Variants in COL13A1 observed in about 807,000 individuals in gnomAD.
COL13A1 encodes the protein collagen alpha-1(XIII) chain.
Under a neutral mutation model 130.9 loss-of-function variants are expected in COL13A1, and 89 were observed. The observed-to-expected ratio is 0.68, with a 90% confidence interval of 0.57 to 0.81. The LOEUF (loss-of-function observed/expected upper bound fraction) is 0.81. Ranked by LOEUF, COL13A1 falls within the 30% of genes least tolerant of loss-of-function variation. The probability of loss-of-function intolerance (pLI) is 0.00; values close to 1 mark genes in which losing one functional copy is unlikely to be tolerated. For synonymous variants in COL13A1, 402 were observed against 341.6 expected, an observed-to-expected ratio of 1.18 and a Z score of -1.95; for missense variants, 879 against 934.6, an observed-to-expected ratio of 0.94 and a Z score of 0.78.
At position 69,928,890 on chromosome 10, in the gene COL13A1, C is replaced by A. The variant is rs150870026; in HGVS notation, c.1423-47C>A. ...TATAGCCCTCAGGGCACAGGCTACC[C>A]TCCTCCATGGGACAGTTCTTCCATG... On this transcript the variant is annotated intron_variant, in intron 27 of 40. Coordinates refer to ENST00000645393, the MANE Select transcript of COL13A1 (RefSeq NM_001368882.1). The A allele has an allele frequency of 8.3e-4, 1,221 of 1,476,726 alleles. 7 individuals carry two copies. The African/African-American group carries it at 0.013, about 15-fold the overall frequency. 91.5% of individuals were successfully genotyped at this position (1,476,726 alleles called of 1,614,324 possible).
chr10:69,929,737 G>A (rs2065860331), intron 28 of COL13A1, among the ~76,000 whole-genome samples: 1 of 152,162 alleles, frequency 6.6e-6, no homozygotes, highest in South Asian at 2.1e-4. Flanking sequence ...AGGGCGCCTA[G>A]GGCTCCCAGA....
chr10:69,882,635 G>A (rs544538281), intron 7 of COL13A1, among the ~76,000 whole-genome samples: 1 of 152,362 alleles, frequency 6.6e-6, no homozygotes, highest in East Asian at 1.9e-4. Flanking sequence ...GGTTTGGCCA[G>A]GTTATCCTCA....
chr10:69,879,610 A>C (rs1405721692), intron 6 of COL13A1, among the ~76,000 whole-genome samples: 1 of 152,220 alleles, frequency 6.6e-6, no homozygotes, highest in African/African-American at 2.4e-5. Flanking sequence ...GACATTTTCC[A>C]AAATGCGTTT....
chr10:69,922,162 T>G (rs2064774744), intron 22 of COL13A1, among the ~76,000 whole-genome samples: 2 of 152,040 alleles, frequency 1.3e-5, no homozygotes, highest in Admixed American at 1.3e-4. Context: ...AGTGATGACC[T>G]GGTCAGATTT....
intron 2 of COL13A1, among the ~76,000 whole-genome samples, chr10:69,849,930 G>A (rs1854265065): frequency 6.6e-6 from 1 of 152,210 alleles, no homozygotes; most frequent in African/African-American, 2.4e-5. Context: ...AGTAGGACGA[G>A]TTGGTCATCC....
At chr10:69,875,277 C>T in intron 5 of COL13A1, 114 bp downstream of exon 5, 1 of 1,282,574 alleles carries the variant, frequency 7.8e-7, no homozygotes, top group African/African-American at 1.5e-5. Context: ...AGGGGGTCAG[C>T]ACTTTCCCTT....
chr10:69,842,949 C>T (rs1014567142), intron 2 of COL13A1, among the ~76,000 whole-genome samples: 2 of 152,220 alleles, frequency 1.3e-5, no homozygotes, highest in East Asian at 1.9e-4. Context: ...AAGTTGGTGT[C>T]AGGACGCAGT....
intron 2 of COL13A1, among the ~76,000 whole-genome samples, chr10:69,823,625 T>C (rs1048346333): frequency 6.6e-6 from 1 of 152,212 alleles, no homozygotes; most frequent in Admixed American, 6.5e-5. Flanking sequence ...GTTAAGCATA[T>C]GGGAAACGAA....
At chr10:69,880,579 G>A (rs767027449) in intron 7 of COL13A1, 26 bp downstream of exon 7, 2 of 1,611,424 alleles carry the variant, frequency 1.2e-6, no homozygotes, top group African/African-American at 1.3e-5. Flanking sequence ...TCTTCCTCGG[G>A]GTGTTGGGGG....
chr10:69,880,142 C>G (rs1054930632), intron 6 of COL13A1, among the ~76,000 whole-genome samples: 1 of 152,088 alleles, frequency 6.6e-6, no homozygotes, highest in Non-Finnish European at 1.5e-5. Flanking sequence ...CCCGCCACTC[C>G]AATGGATCCT....
intron 1 of COL13A1, among the ~76,000 whole-genome samples, chr10:69,802,924 C>A (rs959359134): frequency 1.3e-5 from 2 of 152,212 alleles, no homozygotes; most frequent in African/African-American, 2.4e-5. Context: ...GACCCAGCGA[C>A]TCCCGCCTCG....
chr10:69,832,889 G>C (rs1334319778), intron 2 of COL13A1, among the ~76,000 whole-genome samples: 1 of 152,230 alleles, frequency 6.6e-6, no homozygotes, highest in Non-Finnish European at 1.5e-5. Context: ...CATCCTGAGA[G>C]GGAATGGGCT....
chr10:69,958,746 A>C lies in COL13A1; in HGVS notation c.*45A>C. The C allele has an allele frequency of 6.2e-7, 1 of 1,611,724 alleles. No homozygotes were observed. Reference sequence around the variant, plus strand: ...GCCTGTGTGTGTGTTTGTACATAGAATATTTATTTTTATACAGTTTTCACT... The same window carrying C: ...GCCTGTGTGTGTGTTTGTACATAGACTATTTATTTTTATACAGTTTTCACT... On this transcript the variant is annotated 3_prime_UTR_variant, in exon 41 of 41. Coordinates refer to ENST00000645393, the MANE Select transcript of COL13A1 (RefSeq NM_001368882.1).
At chr10:69,877,689 TCTCTCTCTCTCACACA>T (rs1438913350) in intron 5 of COL13A1, 1 of 117,490 alleles carries the variant, frequency 8.5e-6, no homozygotes, top group African/African-American at 4.3e-5. Context: ...TCTCTCTCTC[TCTCTCTCTCTCACACA>T]CACACACACA....
chr10:69,887,316 C>A (rs1208168112), intron 7 of COL13A1, 140 bp from the exon 8 acceptor site: 3 of 793,348 alleles, frequency 3.8e-6, no homozygotes, highest in African/African-American at 1.7e-5. Flanking sequence ...TCCCTCCCAA[C>A]CCACTAACCA....
At chr10:69,929,032 T>C (rs756294068) in intron 28 of COL13A1, 33 bp downstream of exon 28, 3 of 1,576,954 alleles carry the variant, frequency 1.9e-6, no homozygotes, top group Non-Finnish European at 2.6e-6. Context: ...GGGTGAAGAC[T>C]TTGCAAGGGC....
intron 3 of COL13A1, 91 bp downstream of exon 3, chr10:69,867,896 C>A: frequency 1.4e-6 from 1 of 711,974 alleles, no homozygotes; most frequent in Non-Finnish European, 2.6e-6. Flanking sequence ...GAAAGCTGGG[C>A]CCCTGCTGTC....
intron 31 of COL13A1, among the ~76,000 whole-genome samples, chr10:69,934,386 C>T (rs904792843): frequency 3.9e-5 from 6 of 152,174 alleles, no homozygotes; most frequent in African/African-American, 1.4e-4. Flanking sequence ...GTGTTCCCTC[C>T]AAGGAGACTG....
At position 69,876,871 on chromosome 10, in the gene COL13A1, G is replaced by A. The variant is rs538156522; in HGVS notation, c.436-1168G>A. ...GAAGCTTCAGGAGCCTCTCCCCTGA[G>A]TGCAGAGACAGGCCCACAGGGAAGG... On this transcript the variant is annotated intron_variant, in intron 5 of 40. Transcript: ENST00000645393. Among the ~76,000 whole-genome samples, 22 of 152,330 alleles carry A rather than the reference G, an allele frequency of 1.4e-4. 1 individual carries two copies. The highest frequency in any genetic ancestry group is 5.2e-4 in the Admixed American group (8 of 15,312).
Sources: allele counts gnomAD v4.1 joint callset (sites outside exome capture counted in the v4.1 genomes callset), GRCh38; gene constraint gnomAD v4.1.1; transcripts MANE v1.5; gene names NCBI Gene and HGNC (gene_info 2026-07-23, HGNC 2026-07-21).